Variants in DNASE2B observed in about 807,000 individuals in gnomAD.
The protein encoded by DNASE2B is deoxyribonuclease-2-beta.
A neutral mutation model predicts 46.0 loss-of-function variants in DNASE2B; 43 were observed. The observed-to-expected ratio is 0.94, with a 90% CI of 0.73 to 1.21. The LOEUF (loss-of-function observed/expected upper bound fraction) is 1.21, where lower values mean the gene tolerates loss of function less well. DNASE2B is among the 50% of genes most tolerant of loss of function. The pLI, the probability that DNASE2B is intolerant of heterozygous loss-of-function variation, is 0.00. For synonymous variants in DNASE2B, 156 were observed against 152.5 expected (o/e 1.02, Z -0.17); for missense variants, 395 against 414.4 (o/e 0.95, Z 0.41).
At chr1:84,403,413 T>A (rs1337140056) in intron 2 of DNASE2B, among the ~76,000 whole-genome samples, 1 of 152,134 alleles carries the variant, frequency 6.6e-6, no homozygotes, top group Non-Finnish European at 1.5e-5. Context: ...GAAAGGAAAA[T>A]GTTATTAAGA....
intron 2 of DNASE2B, among the ~76,000 whole-genome samples, chr1:84,406,273 AT>A (rs577116896): frequency 3.7e-4 from 56 of 152,284 alleles, no homozygotes; most frequent in Middle Eastern, 3.4e-3. Context: ...TAATGCCTAC[AT>A]TGTTCCTTTC....
In DNASE2B at chr1:84,398,833, A is replaced by G. The variant is rs1366242453; in HGVS notation, c.125+144A>G. 14 of 1,288,340 alleles carry G rather than the reference A, an allele frequency of 1.1e-5. No individual in the cohort carries two copies. In the East Asian group the frequency reaches 3.3e-4, roughly 30 times the overall value. 79.8% of individuals were successfully genotyped at this position (1,288,340 alleles called of 1,614,324 possible). On this transcript the variant is annotated intron_variant, in intron 1 of 5. Coordinates refer to ENST00000370665, the MANE Select transcript of DNASE2B (RefSeq NM_021233.3). ...GGAAGTTAAAGTGTGCAAATCGGCCAAACTCCCAGGCAGGGGTAGGCTTCT... is the reference window on the plus strand; with the variant it reads ...GGAAGTTAAAGTGTGCAAATCGGCCGAACTCCCAGGCAGGGGTAGGCTTCT...
chr1:84,410,790 A>G, intron 3 of DNASE2B, 48 bp from the exon 4 acceptor site: 1 of 1,573,008 alleles, frequency 6.4e-7, no homozygotes, highest in Non-Finnish European at 8.6e-7. Flanking sequence ...CTATTATAAA[A>G]GAAGCTTTGT....
chr1:84,407,528 T>C (rs1197177893), intron 2 of DNASE2B, among the ~76,000 whole-genome samples: 2 of 152,158 alleles, frequency 1.3e-5, no homozygotes, highest in African/African-American at 4.8e-5. Flanking sequence ...CTTCATTGAA[T>C]TTGTTTTCTA....
At chr1:84,403,980 G>C (rs1004658356) in intron 2 of DNASE2B, among the ~76,000 whole-genome samples, 1 of 139,674 alleles carries the variant, frequency 7.2e-6, no homozygotes, top group Admixed American at 7.1e-5. Flanking sequence ...TTTTGGCGGA[G>C]GGGGTGGGTA....
intron 3 of DNASE2B, among the ~76,000 whole-genome samples, chr1:84,409,368 T>C (rs1680548384): frequency 6.6e-6 from 1 of 152,180 alleles, no homozygotes; most frequent in Non-Finnish European, 1.5e-5. Context: ...AGGCAGTTAC[T>C]ATTCAACTTG....
intron 5 of DNASE2B, 86 bp from the exon 6 acceptor site, chr1:84,414,442 A>G: frequency 8.4e-7 from 1 of 1,183,574 alleles, no homozygotes; most frequent in Non-Finnish European, 1.2e-6. Context: ...CAGGGGTGAA[A>G]GATGATTTCC....
At chr1:84,409,257 T>C (rs1680546161) in intron 3 of DNASE2B, among the ~76,000 whole-genome samples, 1 of 152,152 alleles carries the variant, frequency 6.6e-6, no homozygotes, top group Non-Finnish European at 1.5e-5. Flanking sequence ...TTTTTTCAAT[T>C]TCATATATCA....
chr1:84,406,974 A>G lies in DNASE2B; in HGVS notation c.304-1463A>G, dbSNP rs186566810. ...ATATTGCCTGCACTTGTGTGACTAT[A>G]TTTTCTGCTAGACAGGGGGCAGAGA... On this transcript the variant is annotated intron_variant, in intron 2 of 5. Transcript: ENST00000370665. Among the ~76,000 whole-genome samples, 477 of 152,238 alleles carry G rather than the reference A, an allele frequency of 3.1e-3. 1 individual carries two copies. Among genetic ancestry groups the G allele is most frequent in the Non-Finnish European group, 5.1e-3 (349 of 67,992 alleles).
At position 84,410,936 on chromosome 1, in the gene DNASE2B, G is replaced by T. The variant is rs1341525512; in HGVS notation, c.484G>T (p.Gly162Trp). 6.2e-7 allele frequency: 1 copy of T among 1,613,014 alleles called. No homozygotes were observed. The highest frequency in any genetic ancestry group is 8.5e-7 in the Non-Finnish European group (1 of 1,179,562). The change falls in exon 4 of 6, where the codon GGG (glycine) becomes TGG (tryptophan). Residue 162 changes from glycine to tryptophan, a missense_variant. Transcript: ENST00000370665. ...PEEGYDYPPT[G>W]RRNGQSGICI... Reference sequence around the variant, plus strand: ...AGAAGGCTATGATTATCCACCCACAGGGAGACGAAATGGACAAAGTGGCAT... The same window carrying T: ...AGAAGGCTATGATTATCCACCCACATGGAGACGAAATGGACAAAGTGGCAT...
chr1:84,400,393 G>A (rs1680384589), intron 1 of DNASE2B, among the ~76,000 whole-genome samples: 1 of 152,116 alleles, frequency 6.6e-6, no homozygotes. Context: ...AACAAAACAA[G>A]AAAGAAAAAG....
At chr1:84,411,692 G>A (rs1680601023) in intron 4 of DNASE2B, among the ~76,000 whole-genome samples, 1 of 152,128 alleles carries the variant, frequency 6.6e-6, no homozygotes, top group African/African-American at 2.4e-5. Flanking sequence ...GGACAGGTTG[G>A]TAGCTAAATA....
At chr1:84,404,815 C>T (rs1315019833) in intron 2 of DNASE2B, among the ~76,000 whole-genome samples, 3 of 152,160 alleles carry the variant, frequency 2.0e-5, no homozygotes, top group African/African-American at 4.8e-5. Flanking sequence ...TGTATCTTTT[C>T]CCTTCAAGGC....
Position 84,402,004 on chromosome 1 carries a change from G to T in DNASE2B, c.229G>T (p.Glu77Ter), listed in dbSNP as rs758812998. The T allele has an allele frequency of 1.2e-6, 2 of 1,610,266 alleles. No individual in the cohort carries two copies. The highest frequency in any genetic ancestry group is 3.4e-5 in the Admixed American group (2 of 59,350). Residue 77 changes from glutamate to a stop codon, truncating the protein, a stop_gained, in exon 2 of 6, where the codon GAG (glutamate) becomes TAG (stop). Coordinates refer to ENST00000370665, the MANE Select transcript of DNASE2B (RefSeq NM_021233.3). LOFTEE classifies it high-confidence loss of function. ...DSTTRSWRKS[E>*]QLMNDTKSVL... is the part of the protein sequence containing the mutation. ...TACAACTAGAAGCTGGAGGAAGAGT[G>T]AGCAACTAATGAATGACACCAAGAG...
chr1:84,401,764 A>G lies in DNASE2B; in HGVS notation c.126-137A>G. On this transcript the variant is annotated intron_variant, in intron 1 of 5. Coordinates refer to ENST00000370665, the MANE Select transcript of DNASE2B (RefSeq NM_021233.3). Reference sequence around the variant, plus strand: ...AAGATAAGAGTGAAGAAAGAGGCAAAGAGCTTGAGCAAATCCCTTTCCTTA... The same window carrying G: ...AAGATAAGAGTGAAGAAAGAGGCAAGGAGCTTGAGCAAATCCCTTTCCTTA... 7 of 618,174 alleles carry G rather than the reference A, an allele frequency of 1.1e-5. 1 individual carries two copies. In the South Asian group the frequency reaches 1.6e-4, roughly 15 times the overall value. 38.3% of individuals were successfully genotyped at this position (618,174 alleles called of 1,614,324 possible).
At chr1:84,408,642 G>A in intron 3 of DNASE2B, 124 bp downstream of exon 3, 2 of 701,612 alleles carry the variant, frequency 2.9e-6, no homozygotes, top group Non-Finnish European at 2.1e-6. Context: ...GTTTATTTGA[G>A]TTATTGAAAT....
intron 3 of DNASE2B, among the ~76,000 whole-genome samples, 162 bp from the exon 4 acceptor site, chr1:84,410,676 T>A (rs1166338348): frequency 6.6e-6 from 1 of 152,244 alleles, no homozygotes; most frequent in Non-Finnish European, 1.5e-5. Flanking sequence ...TGTGCCAGAA[T>A]TGTATTTGAA....
At chr1:84,413,641 C>T (rs1403293155) in intron 5 of DNASE2B, among the ~76,000 whole-genome samples, 2 of 152,194 alleles carry the variant, frequency 1.3e-5, no homozygotes, top group Admixed American at 6.5e-5. Context: ...CCTTCCTTAT[C>T]TCATTCTACA....
Position 84,410,879 on chromosome 1 carries a change from C to G in DNASE2B, c.427C>G (p.His143Asp). 6.2e-7 allele frequency: 1 copy of G among 1,613,590 alleles called. No homozygotes were observed. The highest frequency in any genetic ancestry group is 8.5e-7 in the Non-Finnish European group (1 of 1,179,748). ...WNRVQGFWLIHSIPQFPPIPE... is the reference protein window; with the variant it reads ...WNRVQGFWLIDSIPQFPPIPE... ...CAGAGTTCAAGGGTTCTGGCTGATTCATTCCATCCCTCAGTTTCCTCCAAT... is the reference window on the plus strand; with the variant it reads ...CAGAGTTCAAGGGTTCTGGCTGATTGATTCCATCCCTCAGTTTCCTCCAAT... The change falls in exon 4 of 6, where the codon CAT (histidine) becomes GAT (aspartate). Residue 143 changes from histidine (H) to aspartate (D), a missense_variant. By Grantham distance (81) the His-to-Asp change is moderately conservative. Transcript: ENST00000370665.
Sources: gnomAD v4.1 joint callset for allele counts (sites outside exome capture counted in the v4.1 genomes callset) on GRCh38, gnomAD v4.1.1 for gene constraint, MANE v1.5 for transcripts, NCBI Gene and HGNC (gene_info 2026-07-23, HGNC 2026-07-21) for gene names.